NMNAT1: variants seen among roughly 807,000 people sequenced by gnomAD.
The protein encoded by NMNAT1 is nicotinamide nucleotide adenylyltransferase 1, also known as nicotinamide/nicotinic acid mononucleotide adenylyltransferase 1.
Under a neutral mutation model 16.7 loss-of-function variants are expected in NMNAT1, and 11 were observed. That is an observed-to-expected ratio of 0.66 (90% CI 0.41 to 1.09). The LOEUF (loss-of-function observed/expected upper bound fraction) is 1.09, where lower values mean the gene tolerates loss of function less well. Among genes scored for constraint, NMNAT1 ranks in the 50% least tolerant of loss-of-function variants. The probability of loss-of-function intolerance (pLI) is 0.00; values close to 1 mark genes in which losing one functional copy is unlikely to be tolerated. For synonymous variants in NMNAT1, 110 were observed against 119.8 expected (o/e 0.92, Z 0.53); for missense variants, 280 against 332.3 (o/e 0.84, Z 1.22).
chr1:9,959,373 GAAAAA>G (rs70998331), intron 1 of NMNAT1, among the ~76,000 whole-genome samples: 94 of 117,590 alleles, frequency 8.0e-4, no homozygotes, highest in African/African-American at 2.7e-3. Context: ...CTCCATCTTG[GAAAAA>G]AAAAAAAAAA....
intron 1 of NMNAT1, among the ~76,000 whole-genome samples, chr1:9,968,535 G>A (rs1165164409): frequency 6.7e-6 from 1 of 148,780 alleles, no homozygotes; most frequent in Non-Finnish European, 1.5e-5. Context: ...GGGAGGCCGA[G>A]GCAGGTGGAT....
downstream of NMNAT1, among the ~76,000 whole-genome samples, chr1:9,989,099 CCT>C (rs757371553): frequency 5.3e-5 from 8 of 152,078 alleles, no homozygotes; most frequent in Non-Finnish European, 1.2e-4. Flanking sequence ...CATTTACATC[CCT>C]GTTTGCCCTC....
the NMNAT1 span, among the ~76,000 whole-genome samples, chr1:9,992,207 C>T: frequency 1.3e-5 from 2 of 151,868 alleles, no homozygotes; most frequent in South Asian, 2.1e-4. Flanking sequence ...CTCAGTCTCC[C>T]GAGTAGCTGG....
downstream of NMNAT1, among the ~76,000 whole-genome samples, chr1:9,985,862 C>G (rs1012814651): frequency 1.3e-5 from 2 of 152,150 alleles, no homozygotes; most frequent in African/African-American, 4.8e-5. Context: ...AGGGTTTCAC[C>G]GTGATGGCAA....
chr1:9,950,839 A>G (rs1322890478), intron 1 of NMNAT1, among the ~76,000 whole-genome samples: 1 of 152,148 alleles, frequency 6.6e-6, no homozygotes, highest in African/African-American at 2.4e-5. Flanking sequence ...CTATAATCCC[A>G]GCACTTTGGG....
chr1:9,961,573 G>C (rs1641408648), intron 1 of NMNAT1, among the ~76,000 whole-genome samples: 1 of 152,082 alleles, frequency 6.6e-6, no homozygotes, highest in African/African-American at 2.4e-5. Context: ...AAAGGGTATG[G>C]GTACAAGCCC....
At chr1:9,967,466 G>A (rs1450716105) in intron 1 of NMNAT1, 3 of 152,680 alleles carry the variant, frequency 2.0e-5, no homozygotes, top group African/African-American at 4.8e-5. Context: ...GCTCCAGAAA[G>A]ATTAGAAAGC....
chr1:9,988,932 C>T (rs1642078091), downstream of NMNAT1, among the ~76,000 whole-genome samples: 1 of 151,920 alleles, frequency 6.6e-6, no homozygotes, highest in Non-Finnish European at 1.5e-5. Flanking sequence ...GCTGGAATTA[C>T]AAACATGAGC....
At chr1:9,970,239 A>G (rs1054013650) in intron 1 of NMNAT1, among the ~76,000 whole-genome samples, 1 of 152,158 alleles carries the variant, frequency 6.6e-6, no homozygotes, top group African/African-American at 2.4e-5. Flanking sequence ...TAAGCACATA[A>G]TGTAGAGTTA....
At chr1:9,951,940 T>C (rs547323874) in intron 1 of NMNAT1, among the ~76,000 whole-genome samples, 1 of 152,326 alleles carries the variant, frequency 6.6e-6, no homozygotes, top group African/African-American at 2.4e-5. Flanking sequence ...TATCTCTTCT[T>C]TTGGTGTCAG....
intron 1 of NMNAT1, among the ~76,000 whole-genome samples, chr1:9,962,741 G>A (rs1195955791): frequency 1.4e-5 from 2 of 141,532 alleles, no homozygotes; most frequent in Non-Finnish European, 1.5e-5. Context: ...GAGTGCAGTG[G>A]CGCGATCTCG....
chr1:9,956,958 C>T (rs1282887235), intron 1 of NMNAT1, among the ~76,000 whole-genome samples: 1 of 151,880 alleles, frequency 6.6e-6, no homozygotes, highest in Non-Finnish European at 1.5e-5. Context: ...TCTCAAACTC[C>T]TGATCTTGTG....
At chr1:9,948,053 C>G (rs905880507) in intron 1 of NMNAT1, among the ~76,000 whole-genome samples, 2 of 152,114 alleles carry the variant, frequency 1.3e-5, no homozygotes, top group Non-Finnish European at 2.9e-5. Flanking sequence ...TGTGTGATTG[C>G]TCGCATTTCT....
At chr1:9,967,693 C>T (rs1641579990) in intron 1 of NMNAT1, among the ~76,000 whole-genome samples, 1 of 152,030 alleles carries the variant, frequency 6.6e-6, no homozygotes, top group Admixed American at 6.6e-5. Context: ...GCTTGCTGAG[C>T]ACAGTGGCTC....
intron 3 of NMNAT1, among the ~76,000 whole-genome samples, chr1:9,978,892 C>G (rs948606625): frequency 6.6e-6 from 1 of 152,276 alleles, no homozygotes; most frequent in South Asian, 2.1e-4. Context: ...AGGCCCTTGC[C>G]GCTCTAGGAC....
intron 1 of NMNAT1, among the ~76,000 whole-genome samples, chr1:9,945,283 T>A (rs182142213): frequency 6.6e-6 from 1 of 152,274 alleles, no homozygotes; most frequent in Admixed American, 6.5e-5. Context: ...AAGTACCTAT[T>A]AATGCAATTA....
At chr1:9,992,773 G>A in the NMNAT1 span, among the ~76,000 whole-genome samples, 1 of 152,088 alleles carries the variant, frequency 6.6e-6, no homozygotes, top group Non-Finnish European at 1.5e-5. Context: ...TTAGCTGGGT[G>A]TGGTGGCGGG....
chr1:9,967,943 T>C (rs1373313344), intron 1 of NMNAT1, among the ~76,000 whole-genome samples: 2 of 152,078 alleles, frequency 1.3e-5, no homozygotes, highest in Non-Finnish European at 2.9e-5. Context: ...ACCACTGTAC[T>C]CCAGCCTGGA....
chr1:9,969,511 G>C (rs1439566799), intron 1 of NMNAT1, among the ~76,000 whole-genome samples: 1 of 152,128 alleles, frequency 6.6e-6, no homozygotes, highest in African/African-American at 2.4e-5. Context: ...GTGGTTCATG[G>C]GCGGCTGAGG....
Sources: allele counts gnomAD v4.1 joint callset (sites outside exome capture counted in the v4.1 genomes callset), GRCh38; gene constraint gnomAD v4.1.1; transcripts MANE v1.5; gene names NCBI Gene and HGNC (gene_info 2026-07-23, HGNC 2026-07-21).